The following REV3L variants were observed in gnomAD, a reference collection of about 807,000 sequenced individuals.
REV3L encodes DNA polymerase zeta catalytic subunit.
A neutral mutation model predicts 299.4 loss-of-function variants in REV3L; 69 were observed. That is an observed-to-expected ratio of 0.23 (90% CI 0.19 to 0.28). The LOEUF (loss-of-function observed/expected upper bound fraction) is 0.28, where lower values mean the gene tolerates loss of function less well. REV3L is among the 10% of genes least tolerant of loss of function. The pLI is 1.00. For missense variants in REV3L, 3,128 were observed against 3,693.8 expected (o/e 0.85, Z 3.97); for synonymous variants, 1,238 against 1,271.4 (o/e 0.97, Z 0.56).
At chr6:111,403,526 G>A (rs905575831) in intron 4 of REV3L, among the ~76,000 whole-genome samples, 5 of 152,136 alleles carry the variant, frequency 3.3e-5, no homozygotes, top group African/African-American at 7.2e-5. Context: ...TGTGAACAGT[G>A]ATCTCTGATG....
At chr6:111,469,794 CAT>C (rs1334383811) in intron 1 of REV3L, among the ~76,000 whole-genome samples, 1 of 152,218 alleles carries the variant, frequency 6.6e-6, no homozygotes, top group Non-Finnish European at 1.5e-5. Flanking sequence ...CAAGGCCAGA[CAT>C]AAGCTGCAGC....
At chr6:111,390,014 G>C in intron 6 of REV3L, 72 bp downstream of exon 6, 1 of 1,056,816 alleles carries the variant, frequency 9.5e-7, no homozygotes, top group South Asian at 1.3e-5. Context: ...GATTACAGGC[G>C]TGAGCCACCA....
At chr6:111,310,126 C>T (rs1404561768) in intron 29 of REV3L, 27 bp from the exon 30 acceptor site, 6 of 1,496,412 alleles carry the variant, frequency 4.0e-6, no homozygotes, top group Admixed American at 2.3e-5. Context: ...AAAAAAACCA[C>T]ACCCAAATAC....
At position 111,373,578 on chromosome 6, in the gene REV3L, C is replaced by T. The variant is rs138761049; in HGVS notation, c.4777G>A (p.Glu1593Lys). The T allele has an allele frequency of 1.2e-6, 2 of 1,613,726 alleles. No individual in the cohort carries two copies. The highest frequency in any genetic ancestry group is 1.7e-6 in the Non-Finnish European group (2 of 1,179,888). The change falls in exon 13 of 32, where the codon GAA becomes AAA. Residue 1593 changes from glutamate to lysine, a missense_variant. This residue lies in a region of REV3L where 2,409 missense variants were observed against 2,611.8 expected (regional missense o/e 0.92). Coordinates refer to ENST00000368802, the MANE Select transcript of REV3L (RefSeq NM_001372078.1). ...PRTPRSTKQK[E>K]KIPKLLKVDS... ...ACTTTGAGAAGTTTGGGGATTTTTTCTTTTTGTTTTGTACTTCTGGGAGTT... is the reference window on the plus strand; with the variant it reads ...ACTTTGAGAAGTTTGGGGATTTTTTTTTTTTGTTTTGTACTTCTGGGAGTT...
intron 9 of REV3L, among the ~76,000 whole-genome samples, chr6:111,384,023 A>G (rs1242484723): frequency 6.6e-6 from 1 of 152,194 alleles, no homozygotes; most frequent in Admixed American, 6.5e-5. Flanking sequence ...TCTTCGATAA[A>G]TGGTGCTGAG....
At chr6:111,364,823 A>G (rs889280964) in intron 15 of REV3L, among the ~76,000 whole-genome samples, 3 of 152,006 alleles carry the variant, frequency 2.0e-5, no homozygotes, top group Non-Finnish European at 4.4e-5. Flanking sequence ...GTAGTAAATA[A>G]TGTTGCTTTC....
chr6:111,303,688 TAACAGAC>T (rs1562475798), intron 31 of REV3L, among the ~76,000 whole-genome samples: 1,682 of 78,414 alleles, frequency 0.021, 91 homozygotes, highest in East Asian at 0.039. Flanking sequence ...TTTTTTTTTT[TAACAGAC>T]TATGACTTTT....
chr6:111,320,832 T>C (rs527983418), intron 26 of REV3L, among the ~76,000 whole-genome samples: 17 of 152,232 alleles, frequency 1.1e-4, no homozygotes, highest in Non-Finnish European at 2.2e-4. Flanking sequence ...AAATTTTTTG[T>C]AGAGACAGGG....
intron 1 of REV3L, chr6:111,430,499 G>A: frequency 6.5e-7 from 1 of 1,548,258 alleles, no homozygotes; most frequent in Admixed American, 1.7e-5. Flanking sequence ...AGAAGCGGTT[G>A]CACTCGGGGA....
intron 26 of REV3L, among the ~76,000 whole-genome samples, chr6:111,318,225 C>T (rs1460288622): frequency 1.3e-5 from 2 of 151,770 alleles, no homozygotes; most frequent in Admixed American, 1.3e-4. Flanking sequence ...GTAGCTGGGA[C>T]TACAGGGGCC....
intron 1 of REV3L, among the ~76,000 whole-genome samples, chr6:111,461,972 AAG>A (rs917565381): frequency 2.6e-5 from 4 of 152,198 alleles, no homozygotes; most frequent in Non-Finnish European, 2.9e-5. Flanking sequence ...GTCAAAATGA[AAG>A]ACAGAGATTA....
chr6:111,421,487 C>T (rs1041316920), intron 1 of REV3L, among the ~76,000 whole-genome samples: 3 of 152,220 alleles, frequency 2.0e-5, no homozygotes. Flanking sequence ...CGGGCATGAC[C>T]GTGTTACAAT....
At chr6:111,315,550 C>G (rs1267551686) in intron 26 of REV3L, 169 bp from the exon 27 acceptor site, 1 of 590,348 alleles carries the variant, frequency 1.7e-6, no homozygotes. Context: ...TTATTACTTT[C>G]CTTATGTACT....
intron 31 of REV3L, among the ~76,000 whole-genome samples, chr6:111,302,040 T>G (rs894838369): frequency 6.6e-6 from 1 of 152,222 alleles, no homozygotes; most frequent in Admixed American, 6.5e-5. Context: ...TCAAAGGGTT[T>G]CAGTTTCAGA....
At chr6:111,414,011 T>C (rs904576328) in intron 2 of REV3L, among the ~76,000 whole-genome samples, 11 of 152,126 alleles carry the variant, frequency 7.2e-5, no homozygotes, top group Admixed American at 5.2e-4. Context: ...ACCTCATTCA[T>C]TTATCCAACC....
rs79201005 is a variant in REV3L, at chr6:111,452,218, G to A, written c.139+30532C>T. ...AAAGACTAAATATAAACAAATGTTG[G>A]AGAGGGTAGGAGAAACTGGACCTCC... On this transcript the variant is annotated intron_variant, in intron 1 of 31. Coordinates refer to ENST00000368802, the MANE Select transcript of REV3L (RefSeq NM_001372078.1). Among the ~76,000 whole-genome samples the A allele has an allele frequency of 3.7e-3, 567 of 152,226 alleles. 3 individuals carry two copies. The highest frequency in any genetic ancestry group is 0.013 in the African/African-American group (547 of 41,530).
chr6:111,306,872 T>G (rs1453721197), intron 31 of REV3L, among the ~76,000 whole-genome samples: 1 of 152,236 alleles, frequency 6.6e-6, no homozygotes, highest in Non-Finnish European at 1.5e-5. Flanking sequence ...TATCCCTTAT[T>G]TGAAACGCTT....
intron 24 of REV3L, 30 bp from the exon 25 acceptor site, chr6:111,329,768 C>T: frequency 1.3e-6 from 2 of 1,489,194 alleles, no homozygotes; most frequent in East Asian, 2.3e-5. Context: ...TGTTTAAAAC[C>T]CCTCAAACAT....
chr6:111,348,598 C>T (rs912144725), intron 20 of REV3L, among the ~76,000 whole-genome samples: 1 of 152,108 alleles, frequency 6.6e-6, no homozygotes, highest in Non-Finnish European at 1.5e-5. Flanking sequence ...GCAAAAATGA[C>T]TTCCGTGAAA....
Sources: gnomAD v4.1 joint callset for allele counts (sites outside exome capture counted in the v4.1 genomes callset) on GRCh38, gnomAD v4.1.1 for gene constraint, gnomAD v4.1.1 regional missense constraint, MANE v1.5 for transcripts, NCBI Gene and HGNC (gene_info 2026-07-23, HGNC 2026-07-21) for gene names.